Variants in TMEM108 observed in about 807,000 individuals in gnomAD.
TMEM108 encodes cancer/testis antigen 124.
Under a neutral mutation model 35.1 loss-of-function variants are expected in TMEM108, and 12 were observed. The observed-to-expected ratio is 0.34, with a 90% CI of 0.22 to 0.55. The LOEUF (loss-of-function observed/expected upper bound fraction) is 0.55, where lower values mean the gene tolerates loss of function less well. Among genes scored for constraint, TMEM108 ranks in the 20% least tolerant of loss-of-function variants. The pLI, the probability that TMEM108 is intolerant of heterozygous loss-of-function variation, is 0.89. For synonymous variants in TMEM108, 287 were observed against 308.6 expected, an observed-to-expected ratio of 0.93 and a Z score of 0.73; for missense variants, 680 against 753.3, an observed-to-expected ratio of 0.90 and a Z score of 1.14.
At chr3:133,218,883 G>C (rs1376175786) in intron 2 of TMEM108, among the ~76,000 whole-genome samples, 1 of 151,936 alleles carries the variant, frequency 6.6e-6, no homozygotes, top group Non-Finnish European at 1.5e-5. Context: ...ATCAGGGTAA[G>C]GCTAGCCTTC....
chr3:133,081,041 C>T (rs966569174), intron 2 of TMEM108, among the ~76,000 whole-genome samples: 4 of 152,016 alleles, frequency 2.6e-5, no homozygotes, highest in South Asian at 2.1e-4. Context: ...AACAACTTCT[C>T]GGATATAAAA....
intron 2 of TMEM108, among the ~76,000 whole-genome samples, chr3:133,054,217 A>G (rs1943439409): frequency 6.6e-6 from 1 of 152,246 alleles, no homozygotes; most frequent in Admixed American, 6.5e-5. Flanking sequence ...CTGGAAGATT[A>G]TTCAGAAAGG....
intron 3 of TMEM108, among the ~76,000 whole-genome samples, chr3:133,337,505 C>T (rs1258976202): frequency 1.3e-5 from 2 of 152,176 alleles, no homozygotes; most frequent in African/African-American, 4.8e-5. Flanking sequence ...CTTCAGGTGT[C>T]CCCTAACGCA....
chr3:133,352,454 G>A lies in TMEM108; in HGVS notation c.41-27298G>A, dbSNP rs534831740. Among the ~76,000 whole-genome samples, 3 of 152,268 alleles carry A rather than the reference G, an allele frequency of 2.0e-5. No homozygotes were observed. In the South Asian group the frequency reaches 6.2e-4, roughly 32 times the overall value. Reference sequence around the variant, plus strand: ...TACTGTCTACCTGGCAATAGCATGAGATCCCATAAGTTAAGAGCTCAGCCC... The same window carrying A: ...TACTGTCTACCTGGCAATAGCATGAAATCCCATAAGTTAAGAGCTCAGCCC... On this transcript the variant is annotated intron_variant, in intron 3 of 5. Transcript: ENST00000321871.
chr3:133,378,527 G>A (rs2072910257), intron 3 of TMEM108: 2 of 985,492 alleles, frequency 2.0e-6, no homozygotes, highest in Non-Finnish European at 2.4e-6. Context: ...TGACAAAGAA[G>A]GGGATCCATG....
intron 2 of TMEM108, among the ~76,000 whole-genome samples, chr3:133,056,067 A>G (rs1943461778): frequency 6.8e-6 from 1 of 146,998 alleles, no homozygotes; most frequent in Non-Finnish European, 1.5e-5. Flanking sequence ...TTTTCCTTCC[A>G]TTAACCCTGT....
At chr3:133,155,443 A>C (rs552985584) in intron 2 of TMEM108, among the ~76,000 whole-genome samples, 1 of 152,128 alleles carries the variant, frequency 6.6e-6, no homozygotes, top group East Asian at 1.9e-4. Context: ...CCACATCCAC[A>C]GTGGCTGAAC....
intron 3 of TMEM108, among the ~76,000 whole-genome samples, chr3:133,353,693 G>A (rs369879183): frequency 6.6e-6 from 1 of 152,198 alleles, no homozygotes; most frequent in African/African-American, 2.4e-5. Flanking sequence ...TTGGGGGAAA[G>A]AAAGGTGGTA....
intron 3 of TMEM108, among the ~76,000 whole-genome samples, chr3:133,264,403 C>T (rs1370787332): frequency 6.6e-6 from 1 of 152,104 alleles, no homozygotes; most frequent in Non-Finnish European, 1.5e-5. Context: ...CCAGATTGCT[C>T]ATGAGCAGGA....
At chr3:133,160,656 T>C (rs1004593205) in intron 2 of TMEM108, among the ~76,000 whole-genome samples, 6 of 152,310 alleles carry the variant, frequency 3.9e-5, no homozygotes, top group Admixed American at 2.0e-4. Flanking sequence ...ATCTAATCAG[T>C]TGGCAATTCC....
rs59367666 is a variant in TMEM108, at chr3:133,373,348, CAA to C, written c.41-6388_41-6387del. On this transcript the variant is annotated intron_variant, in intron 3 of 5. Coordinates refer to ENST00000321871, the MANE Select transcript of TMEM108 (RefSeq NM_023943.4). ...TGGGTCACAGAGTGAGACCTTGTCT[CAA>C]AAAAAAAAAAAAAAAGAAATTTAGA... Among the ~76,000 whole-genome samples, 203 of 79,872 alleles carry C rather than the reference CAA, an allele frequency of 2.5e-3. 2 individuals carry two copies. Among genetic ancestry groups the C allele is most frequent in the Non-Finnish European group, 2.1e-3 (85 of 39,626 alleles). The allele number at this position is 79,872 out of a possible 152,430, so 52.4% of individuals were successfully genotyped here.
chr3:133,054,120 A>G (rs1185345889), intron 2 of TMEM108, among the ~76,000 whole-genome samples: 1 of 152,216 alleles, frequency 6.6e-6, no homozygotes, highest in Non-Finnish European at 1.5e-5. Context: ...GTAGAACATG[A>G]GACCTCAGTC....
chr3:133,368,636 C>T (rs962176871), intron 3 of TMEM108, among the ~76,000 whole-genome samples: 2 of 152,130 alleles, frequency 1.3e-5, no homozygotes, highest in African/African-American at 4.8e-5. Flanking sequence ...TGCACTCACA[C>T]ACACACACAC....
chr3:133,375,717 G>A (rs1476688932), intron 3 of TMEM108, among the ~76,000 whole-genome samples: 1 of 152,220 alleles, frequency 6.6e-6, no homozygotes, highest in Non-Finnish European at 1.5e-5. Flanking sequence ...GAGGTTGGAG[G>A]TGGTATTTGG....
At chr3:133,042,468 T>C (rs1344256675) in intron 1 of TMEM108, among the ~76,000 whole-genome samples, 1 of 152,240 alleles carries the variant, frequency 6.6e-6, no homozygotes, top group Non-Finnish European at 1.5e-5. Context: ...TTTTATCACC[T>C]GAGATTGATG....
chr3:133,276,992 G>A (rs961846497), intron 3 of TMEM108, among the ~76,000 whole-genome samples: 1 of 152,268 alleles, frequency 6.6e-6, no homozygotes, highest in East Asian at 1.9e-4. Flanking sequence ...TCAAACTTTA[G>A]TGCCACCCTT....
At chr3:133,386,761 C>T (rs1484093269) in intron 4 of TMEM108, 2 of 1,159,128 alleles carry the variant, frequency 1.7e-6, no homozygotes, top group African/African-American at 1.5e-5. Flanking sequence ...CTGCATATGT[C>T]ATCTCTATAC....
chr3:133,066,010 G>A (rs969412020), intron 2 of TMEM108, among the ~76,000 whole-genome samples: 1 of 152,158 alleles, frequency 6.6e-6, no homozygotes, highest in Non-Finnish European at 1.5e-5. Context: ...TGCTTCATTA[G>A]TGTGGTTTTT....
At chr3:133,224,433 C>G (rs935165761) in intron 2 of TMEM108, among the ~76,000 whole-genome samples, 1 of 152,134 alleles carries the variant, frequency 6.6e-6, no homozygotes, top group Admixed American at 6.5e-5. Flanking sequence ...CATATTGATA[C>G]AGTTTGGCTG....
Sources: allele counts gnomAD v4.1 joint callset (sites outside exome capture counted in the v4.1 genomes callset), GRCh38; gene constraint gnomAD v4.1.1; transcripts MANE v1.5; gene names NCBI Gene and HGNC (gene_info 2026-07-23, HGNC 2026-07-21).